The following ADPRHL1 variants were observed in gnomAD, a reference collection of about 807,000 sequenced individuals.
ADPRHL1 encodes inactive ADP-ribosyltransferase ARH2.
ADPRHL1 carries 43 observed loss-of-function variants against 44.1 expected under a neutral mutation model. The observed-to-expected ratio is 0.98, with a 90% CI of 0.76 to 1.26. The LOEUF is 1.26. Ranked by LOEUF, ADPRHL1 falls within the 50% of genes most tolerant of loss-of-function variation. The pLI is 0.00. For missense variants in ADPRHL1, 2,022 were observed against 2,496.9 expected, an observed-to-expected ratio of 0.81 and a Z score of 4.05; for synonymous variants, 878 against 1,017.4, an observed-to-expected ratio of 0.86 and a Z score of 2.61.
intron 2 of ADPRHL1, among the ~76,000 whole-genome samples, chr13:113,436,466 T>C (rs9796236): frequency 0.041 from 49 of 1,208 alleles, no homozygotes; most frequent in African/African-American, 0.093. Context: ...AGGGTGAACA[T>C]AGGTGTACCC....
intron 1 of ADPRHL1, among the ~76,000 whole-genome samples, chr13:113,448,359 A>C (rs2044156222): frequency 6.7e-6 from 1 of 149,652 alleles, no homozygotes; most frequent in Non-Finnish European, 1.5e-5. Flanking sequence ...CCAGCCTCTC[A>C]GGAGGCTGAG....
rs958191129 is a variant in ADPRHL1, at chr13:113,402,811, A to T, written c.*567T>A. ...GCCCAGCAGCCACACAGCACCCGGC[A>T]CCCACCTGGGCGTCTGAGGCTGGAG... is the stretch of plus-strand genomic sequence containing the variant. On this transcript the variant is annotated 3_prime_UTR_variant, in exon 8 of 8. Transcript: ENST00000612156. 1.3e-5 allele frequency: 2 copies of T among 152,460 alleles called. No individual in the cohort carries two copies. The highest frequency in any genetic ancestry group is 4.8e-5 in the African/African-American group (2 of 41,424). The allele number at this position is 152,460 out of a possible 1,614,324, so 9.4% of individuals were successfully genotyped here.
At chr13:113,449,848 A>G (rs947111256) in intron 1 of ADPRHL1, among the ~76,000 whole-genome samples, 4 of 152,188 alleles carry the variant, frequency 2.6e-5, no homozygotes, top group African/African-American at 9.6e-5. Flanking sequence ...CTCAGCAGTC[A>G]GGGAGGATGC....
At chr13:113,417,835 A>C (rs1358775037) in intron 7 of ADPRHL1, among the ~76,000 whole-genome samples, 1 of 152,266 alleles carries the variant, frequency 6.6e-6, no homozygotes, top group African/African-American at 2.4e-5. Context: ...CAGTGCCTGC[A>C]CTGAGATTCC....
intron 4 of ADPRHL1, 118 bp from the exon 5 acceptor site, chr13:113,425,297 C>T (rs1328081290): frequency 2.0e-6 from 2 of 1,024,944 alleles, no homozygotes; most frequent in Admixed American, 2.2e-5. Context: ...GGCAATGCCC[C>T]CTCTACCCAG....
chr13:113,446,840 TTGTGTGTGCATGGTGTCTACATGCACGG>T (rs1476271146), intron 1 of ADPRHL1, among the ~76,000 whole-genome samples: 9 of 152,202 alleles, frequency 5.9e-5, no homozygotes, highest in Non-Finnish European at 1.3e-4. Context: ...ATGCACGGTG[TTGTGTGTGCATGGTGTCTACATGCACGG>T]TGTGTGTGCA....
intron 1 of ADPRHL1, chr13:113,449,155 G>T: frequency 9.8e-7 from 1 of 1,017,916 alleles, no homozygotes; most frequent in East Asian, 1.1e-4. Context: ...GTTCAGAGAG[G>T]CTCACCCGGA....
intron 3 of ADPRHL1, among the ~76,000 whole-genome samples, chr13:113,433,017 G>A (rs2044018011): frequency 6.6e-6 from 1 of 152,226 alleles, no homozygotes; most frequent in Admixed American, 6.5e-5. Context: ...ACGGGCTGCG[G>A]ACGGGGACAA....
intron 7 of ADPRHL1, among the ~76,000 whole-genome samples, chr13:113,416,492 A>G (rs1344641289): frequency 6.6e-6 from 1 of 152,158 alleles, no homozygotes; most frequent in Non-Finnish European, 1.5e-5. Flanking sequence ...GGCCTGAGAC[A>G]TGAGTAAGTC....
intron 3 of ADPRHL1, among the ~76,000 whole-genome samples, chr13:113,430,210 C>G (rs9604106): frequency 6.6e-6 from 1 of 152,164 alleles, no homozygotes; most frequent in African/African-American, 2.4e-5. Flanking sequence ...GAGAGGAGCT[C>G]GGAAGAGACT....
chr13:113,442,462 T>C (rs2044105874), intron 2 of ADPRHL1, among the ~76,000 whole-genome samples: 1 of 152,188 alleles, frequency 6.6e-6, no homozygotes, highest in Non-Finnish European at 1.5e-5. Context: ...CTCTGCACTA[T>C]CCCCAGAAAG....
At chr13:113,432,272 G>A (rs1037056616) in intron 3 of ADPRHL1, among the ~76,000 whole-genome samples, 6 of 151,928 alleles carry the variant, frequency 3.9e-5, no homozygotes, top group Admixed American at 3.9e-4. Flanking sequence ...GTGCCGTCAT[G>A]CCTGGCTAAT....
intron 1 of ADPRHL1, among the ~76,000 whole-genome samples, chr13:113,449,691 T>C (rs896950383): frequency 2.0e-5 from 3 of 152,252 alleles, no homozygotes; most frequent in African/African-American, 7.2e-5. Context: ...CACAGCCCCG[T>C]GGCTCGTGGG....
chr13:113,403,860 C>A lies in ADPRHL1; in HGVS notation c.5422G>T (p.Ala1808Ser). The A allele has an allele frequency of 2.6e-6, 2 of 759,608 alleles. No individual in the cohort carries two copies. Among genetic ancestry groups the A allele is most frequent in the Non-Finnish European group, 3.3e-6 (2 of 606,236 alleles). 47.1% of individuals were successfully genotyped at this position (759,608 alleles called of 1,614,324 possible). Residue 1808 changes from alanine to serine, a missense_variant, in exon 8 of 8, where the codon GCC (alanine) becomes TCC (serine). Transcript: ENST00000612156. ...ERAWEQGREQ[A>S]LTSGMAPRAW... The stretch of plus-strand genomic sequence containing the variant: ...CGAGGCGCCATCCCACTTGTCAAGG[C>A]CTGTTCCCGACCCTGTTCCCAAGCC...
chr13:113,429,016 T>C lies in ADPRHL1; in HGVS notation c.582A>G (p.Arg194=), dbSNP rs932206858. 6.2e-7 allele frequency: 1 copy of C among 1,612,790 alleles called. No homozygotes were observed. The highest frequency in any genetic ancestry group is 8.5e-7 in the Non-Finnish European group (1 of 1,179,980). The change falls in exon 4 of 8, where the codon AGA becomes AGG. Residue 194 remains arginine, a synonymous_variant. Transcript: ENST00000612156. ...CCAGAGGCACCGCCCGCAGCATGTC[T>C]CTCCCCCACTGGACCAGGGGCTTTC... ...AQGKPLVQWG[R]DMLRAVPLAE...
intron 6 of ADPRHL1, among the ~76,000 whole-genome samples, chr13:113,423,580 A>G (rs2043942339): frequency 6.6e-6 from 1 of 152,212 alleles, no homozygotes; most frequent in Admixed American, 6.5e-5. Context: ...AGGCAATTTC[A>G]GCCAGTCTCA....
At chr13:113,442,974 C>T (rs1038463012) in intron 2 of ADPRHL1, among the ~76,000 whole-genome samples, 4 of 152,190 alleles carry the variant, frequency 2.6e-5, no homozygotes, top group Non-Finnish European at 4.4e-5. Context: ...CTATTGGTCT[C>T]AGCCAATGTA....
intron 7 of ADPRHL1, among the ~76,000 whole-genome samples, chr13:113,415,602 T>C (rs1014509567): frequency 6.6e-6 from 1 of 151,934 alleles, no homozygotes; most frequent in Non-Finnish European, 1.5e-5. Context: ...AACACAAAAA[T>C]TAGCTGGGCA....
intron 7 of ADPRHL1, chr13:113,410,210 C>T: frequency 1.2e-6 from 1 of 828,158 alleles, no homozygotes; most frequent in Non-Finnish European, 1.5e-6. Flanking sequence ...TCCCGAGACG[C>T]CTCCCTCGCC....
Sources: allele counts gnomAD v4.1 joint callset (sites outside exome capture counted in the v4.1 genomes callset), GRCh38; gene constraint gnomAD v4.1.1; transcripts MANE v1.5; gene names NCBI Gene and HGNC (gene_info 2026-07-23, HGNC 2026-07-21).